Variants in NOS1AP observed in about 807,000 individuals in gnomAD.
NOS1AP encodes carboxyl-terminal PDZ ligand of neuronal nitric oxide synthase protein.
Under a neutral mutation model 56.2 loss-of-function variants are expected in NOS1AP, and 21 were observed. The observed-to-expected ratio is 0.37, with a 90% CI of 0.26 to 0.54. The LOEUF (loss-of-function observed/expected upper bound fraction) is 0.54, where lower values mean the gene tolerates loss of function less well. Among genes scored for constraint, NOS1AP ranks in the 20% least tolerant of loss-of-function variants. NOS1AP has a pLI of 0.84. For synonymous variants in NOS1AP, 270 were observed against 274.6 expected (o/e 0.98, Z 0.17); for missense variants, 522 against 657.8 (o/e 0.79, Z 2.26).
rs773081646 is a variant in NOS1AP, at chr1:162,357,891, G to T, written c.939+755G>T. Among the ~76,000 whole-genome samples the T allele has an allele frequency of 2.0e-4, 30 of 148,676 alleles. 1 individual carries two copies. The highest frequency in any genetic ancestry group is 2.1e-4 in the Non-Finnish European group (14 of 65,532). On this transcript the variant is annotated intron_variant, in intron 8 of 9. Coordinates refer to ENST00000361897, the MANE Select transcript of NOS1AP (RefSeq NM_014697.3). The stretch of plus-strand genomic sequence containing the variant: ...GGGCGCTGTAGTCCACATCTTTCTT[G>T]GGAAGTCTGAGCTCCCTCTCTACCA...
chr1:162,268,125 G>T (rs1557856913), intron 2 of NOS1AP, among the ~76,000 whole-genome samples: 1 of 152,062 alleles, frequency 6.6e-6, no homozygotes, highest in Non-Finnish European at 1.5e-5. Flanking sequence ...CAGGCATGGT[G>T]GCGTGTGCCT....
At chr1:162,255,975 C>G (rs113371496) in intron 2 of NOS1AP, among the ~76,000 whole-genome samples, 8,560 of 152,090 alleles carry the variant, frequency 0.056, 648 homozygotes, top group African/African-American at 0.17. Context: ...GAAACCCCAT[C>G]TCTACTAAAA....
At chr1:162,173,003 C>A (rs1353273497) in intron 2 of NOS1AP, among the ~76,000 whole-genome samples, 1 of 151,730 alleles carries the variant, frequency 6.6e-6, no homozygotes, top group Non-Finnish European at 1.5e-5. Flanking sequence ...CTCATTGCAA[C>A]CTTTGCTTCC....
At chr1:162,365,701 G>A in intron 9 of NOS1AP, 132 bp downstream of exon 9, 6 of 1,120,582 alleles carry the variant, frequency 5.4e-6, no homozygotes, top group Non-Finnish European at 7.8e-6. Context: ...AACATAGGCA[G>A]CTTTGTTTTC....
At chr1:162,240,244 A>AGTGTGTGT (rs5778260) in intron 2 of NOS1AP, among the ~76,000 whole-genome samples, 6,347 of 141,210 alleles carry the variant, frequency 0.045, 192 homozygotes, top group East Asian at 0.11. Flanking sequence ...CTGTGTGGCC[A>AGTGTGTGT]GTGTGTGTGT....
At chr1:162,105,657 G>C (rs368075091) in intron 1 of NOS1AP, among the ~76,000 whole-genome samples, 1 of 152,318 alleles carries the variant, frequency 6.6e-6, no homozygotes, top group South Asian at 2.1e-4. Flanking sequence ...AATGGATCAG[G>C]GTCCTGCTTA....
In NOS1AP at chr1:162,367,231, G is replaced by C; in HGVS notation, c.1285G>C (p.Glu429Gln). 6.2e-7 allele frequency: 1 copy of C among 1,613,948 alleles called. No homozygotes were observed. The highest frequency in any genetic ancestry group is 1.3e-5 in the African/African-American group (1 of 75,070). ...TAGGCGCGACTGCTTGGTGAAGCTG[G>C]AGTGCTTTCGCTTTCTTCCGCCCGA... Reference protein sequence around the residue: ...LGRRDCLVKLECFRFLPPEDT... With the variant: ...LGRRDCLVKLQCFRFLPPEDT... The change falls in exon 10 of 10, where the codon GAG (glutamate) becomes CAG (glutamine). Residue 429 changes from glutamate (E) to glutamine (Q), a missense_variant. By Grantham distance (29) the Glu-to-Gln change is conservative (BLOSUM62 2). Around this residue, in one of 4 missense-constraint regions of NOS1AP, gnomAD observed 160 missense variants for 180.3 expected, o/e 0.89. Coordinates refer to ENST00000361897, the MANE Select transcript of NOS1AP (RefSeq NM_014697.3). This position sits in a 1 kb window ranked among gnomAD's most constrained non-coding sequence, Gnocchi z 6.5.
At chr1:162,170,140 CAG>C (rs1374637568) in intron 2 of NOS1AP, among the ~76,000 whole-genome samples, 2 of 152,218 alleles carry the variant, frequency 1.3e-5, no homozygotes, top group Non-Finnish European at 2.9e-5. Flanking sequence ...TCTTATTCAA[CAG>C]AGTCACTACC....
intron 2 of NOS1AP, among the ~76,000 whole-genome samples, chr1:162,231,386 C>A (rs897288281): frequency 9.2e-5 from 14 of 152,148 alleles, no homozygotes; most frequent in Non-Finnish European, 1.8e-4. Flanking sequence ...GACATTAACC[C>A]TTTATCAGAT....
intron 1 of NOS1AP, among the ~76,000 whole-genome samples, chr1:162,081,244 T>G (rs1317180590): frequency 1.3e-5 from 2 of 152,192 alleles, no homozygotes; most frequent in African/African-American, 2.4e-5. Flanking sequence ...GCAAATGGTC[T>G]GTTAAAGGTG....
intron 1 of NOS1AP, among the ~76,000 whole-genome samples, chr1:162,128,757 G>GAA (rs201746366): frequency 6.7e-6 from 1 of 149,118 alleles, no homozygotes; most frequent in African/African-American, 2.4e-5. Context: ...TACAAACAGG[G>GAA]AAAAAAAAAT....
At chr1:162,325,976 GT>G (rs1433136518) in intron 4 of NOS1AP, among the ~76,000 whole-genome samples, 1 of 151,982 alleles carries the variant, frequency 6.6e-6, no homozygotes, top group Non-Finnish European at 1.5e-5. Flanking sequence ...ACATTTCTAA[GT>G]TTGTTTCCAC....
At chr1:162,208,931 T>G (rs776206891) in intron 2 of NOS1AP, among the ~76,000 whole-genome samples, 1 of 152,222 alleles carries the variant, frequency 6.6e-6, no homozygotes, top group East Asian at 1.9e-4. Context: ...TTCTATTAGC[T>G]CGTATTAAAT....
chr1:162,146,857 AT>A (rs1217371907), intron 1 of NOS1AP, among the ~76,000 whole-genome samples: 3 of 152,170 alleles, frequency 2.0e-5, no homozygotes, highest in Admixed American at 6.5e-5. Context: ...TTGATACATT[AT>A]TATGAACTAA....
intron 1 of NOS1AP, among the ~76,000 whole-genome samples, chr1:162,113,961 A>G (rs1647817238): frequency 1.3e-5 from 2 of 152,232 alleles, no homozygotes; most frequent in South Asian, 4.1e-4. Context: ...GTGTTATTAC[A>G]GAAAGTTTGA....
chr1:162,104,690 T>C (rs143848439), intron 1 of NOS1AP, among the ~76,000 whole-genome samples: 11 of 152,332 alleles, frequency 7.2e-5, no homozygotes, highest in South Asian at 2.1e-4. Context: ...TCACTTGGTC[T>C]ATTCTGCTAC....
intron 3 of NOS1AP, among the ~76,000 whole-genome samples, chr1:162,289,375 G>T (rs1228269998): frequency 3.3e-5 from 5 of 150,616 alleles, no homozygotes; most frequent in Non-Finnish European, 7.4e-5. Flanking sequence ...TTGGCTCACT[G>T]CAACCTCCAC....
chr1:162,156,810 T>C (rs750140803), intron 2 of NOS1AP, among the ~76,000 whole-genome samples: 1 of 152,206 alleles, frequency 6.6e-6, no homozygotes, highest in Non-Finnish European at 1.5e-5. Context: ...GATGTTATTA[T>C]TACATTTTAT....
At chr1:162,323,452 G>A (rs1413803153) in intron 4 of NOS1AP, among the ~76,000 whole-genome samples, 1 of 152,224 alleles carries the variant, frequency 6.6e-6, no homozygotes, top group South Asian at 2.1e-4. Context: ...ACTACTGGCT[G>A]TGTGACCTTA....
Sources: allele counts gnomAD v4.1 joint callset (sites outside exome capture counted in the v4.1 genomes callset), GRCh38; gene constraint gnomAD v4.1.1; regional missense constraint gnomAD v4.1.1; non-coding constraint Gnocchi (gnomAD v3.1); transcripts MANE v1.5; gene names NCBI Gene and HGNC (gene_info 2026-07-23, HGNC 2026-07-21).